The following STK17B variants were observed in gnomAD, a reference collection of about 807,000 sequenced individuals.
The protein encoded by STK17B is serine/threonine-protein kinase 17B.
A neutral mutation model predicts 42.0 loss-of-function variants in STK17B; 21 were observed. The ratio of observed to expected loss-of-function variants is 0.50; its 90% CI spans 0.35 to 0.72. STK17B has a LOEUF of 0.72. Ranked by LOEUF, STK17B falls within the 30% of genes least tolerant of loss-of-function variation. The pLI, the probability that STK17B is intolerant of heterozygous loss-of-function variation, is 0.00. For missense variants in STK17B, 349 were observed against 446.0 expected (o/e 0.78, Z 1.96); for synonymous variants, 143 against 148.4 (o/e 0.96, Z 0.26).
chr2:196,139,029 C>T lies in STK17B; in HGVS notation c.836+591G>A, dbSNP rs567057514. 5.9e-5 allele frequency among the ~76,000 whole-genome samples: 9 copies of T among 152,190 alleles called. No individual in the cohort carries two copies. The South Asian group carries it at 6.2e-4, about 11-fold the overall frequency. The stretch of plus-strand genomic sequence containing the variant: ...TCATCTAGGCTAGAGTGCAGTGGCG[C>T]GATCTCTGCTTACTGGAAGCTCTGC... On this transcript the variant is annotated intron_variant, in intron 7 of 7. Coordinates refer to ENST00000263955, the MANE Select transcript of STK17B (RefSeq NM_004226.4).
intron 2 of STK17B, among the ~76,000 whole-genome samples, chr2:196,157,515 C>T (rs1237045977): frequency 1.3e-5 from 2 of 152,132 alleles, no homozygotes; most frequent in Non-Finnish European, 2.9e-5. Flanking sequence ...GAAACTATCA[C>T]AATTGTCAAT....
chr2:196,167,526 G>GT (rs1382068823), intron 1 of STK17B, among the ~76,000 whole-genome samples: 8 of 152,302 alleles, frequency 5.3e-5, no homozygotes, highest in Middle Eastern at 6.8e-3. Context: ...GACAAATAAA[G>GT]TAACTATTTT....
At chr2:196,156,757 T>C (rs1215564625) in intron 2 of STK17B, 106 bp from the exon 3 acceptor site, 2 of 840,172 alleles carry the variant, frequency 2.4e-6, no homozygotes, top group South Asian at 1.7e-5. Flanking sequence ...CTTTGAAATA[T>C]CTGTGTCATT....
At chr2:196,148,777 C>T (rs1262901807) in intron 3 of STK17B, among the ~76,000 whole-genome samples, 1 of 152,168 alleles carries the variant, frequency 6.6e-6, no homozygotes, top group Non-Finnish European at 1.5e-5. Flanking sequence ...GTTAAAGTTA[C>T]TTCAATAACC....
At chr2:196,169,709 T>C (rs1699915029) in intron 1 of STK17B, among the ~76,000 whole-genome samples, 1 of 152,182 alleles carries the variant, frequency 6.6e-6, no homozygotes, top group Non-Finnish European at 1.5e-5. Flanking sequence ...AACCTCCAAC[T>C]TCCTAAAAAC....
chr2:196,149,333 T>G (rs1050626423), intron 3 of STK17B, among the ~76,000 whole-genome samples: 3 of 152,014 alleles, frequency 2.0e-5, no homozygotes, highest in African/African-American at 7.3e-5. Flanking sequence ...CCGGCTAATT[T>G]TTTGTATTTT....
In STK17B at chr2:196,137,170, TTTGAAG is replaced by T. The variant is rs762806510; in HGVS notation, c.*271_*276del. On this transcript the variant is annotated 3_prime_UTR_variant, in exon 8 of 8. Transcript: ENST00000263955. Reference sequence around the variant, plus strand: ...TATGCAAAACATTCTGGTAAGTTCATTTGAAGTTGAATTATTTCATTAACATGTAAA... The same window carrying T: ...TATGCAAAACATTCTGGTAAGTTCATTTGAATTATTTCATTAACATGTAAA... 1 of 351,040 alleles carries T rather than the reference TTTGAAG, an allele frequency of 2.8e-6. No homozygotes were observed. The highest frequency in any genetic ancestry group is 5.1e-6 in the Non-Finnish European group (1 of 194,334). 21.7% of individuals were successfully genotyped at this position (351,040 alleles called of 1,614,324 possible).
intron 3 of STK17B, chr2:196,151,534 GGTAA>G (rs1699666368): frequency 6.6e-6 from 1 of 152,142 alleles, no homozygotes; most frequent in South Asian, 2.1e-4. Context: ...TCCAGCCAAA[GGTAA>G]GTATTTTTTA....
chr2:196,171,844 CGCTGCA>C (rs1317211876), upstream of STK17B, among the ~76,000 whole-genome samples: 3 of 151,044 alleles, frequency 2.0e-5, no homozygotes, highest in African/African-American at 7.3e-5. Flanking sequence ...GAGGGGGCGG[CGCTGCA>C]GAGGGGGCGC....
upstream of STK17B, among the ~76,000 whole-genome samples, chr2:196,171,741 G>T (rs574610567): frequency 6.7e-6 from 1 of 149,986 alleles, no homozygotes; most frequent in South Asian, 2.1e-4. Context: ...CGGTGAGAGG[G>T]TGCGGCGCCT....
In STK17B at chr2:196,135,456, A is replaced by G. The variant is rs1352041078; in HGVS notation, c.*1991T>C. 1 of 152,226 alleles carries G rather than the reference A, an allele frequency of 6.6e-6. No individual in the cohort carries two copies. Among genetic ancestry groups the G allele is most frequent in the African/African-American group, 2.4e-5 (1 of 41,466 alleles). The allele number at this position is 152,226 out of a possible 1,614,324, so 9.4% of individuals were successfully genotyped here. A position where few individuals can be genotyped will look rare whatever the true frequency, so the allele number is the denominator to read the frequency against. Reference sequence around the variant, plus strand: ...GAACATAAAGTCATATAAAGAATATAAATGTCATAATTTATATGTCATAAG... The same window carrying G: ...GAACATAAAGTCATATAAAGAATATGAATGTCATAATTTATATGTCATAAG... On this transcript the variant is annotated 3_prime_UTR_variant, in exon 8 of 8. Coordinates refer to ENST00000263955, the MANE Select transcript of STK17B (RefSeq NM_004226.4).
upstream of STK17B, among the ~76,000 whole-genome samples, chr2:196,172,425 T>C (rs1699959709): frequency 6.6e-6 from 1 of 152,258 alleles, no homozygotes; most frequent in Non-Finnish European, 1.5e-5. Context: ...GGATTAGTTA[T>C]GTAATCTAGG....
rs563883709 is a variant in STK17B, at chr2:196,147,964, G to A, written c.336-1909C>T. ...AGGATGGTCTCGATCTCTTGACCTC[G>A]TGATCTGCCCATCTTGGCCTCCCAA... On this transcript the variant is annotated intron_variant, in intron 3 of 7. Coordinates refer to ENST00000263955, the MANE Select transcript of STK17B (RefSeq NM_004226.4). Among the ~76,000 whole-genome samples, 253 of 152,160 alleles carry A rather than the reference G, an allele frequency of 1.7e-3. 1 individual carries two copies. The highest frequency in any genetic ancestry group is 5.9e-3 in the African/African-American group (244 of 41,496).
intron 2 of STK17B, among the ~76,000 whole-genome samples, chr2:196,159,020 A>AC (rs1362979664): frequency 6.6e-6 from 1 of 151,516 alleles, no homozygotes; most frequent in Admixed American, 6.6e-5. Flanking sequence ...CAAAAAAAAA[A>AC]AAAACAAAAA....
Position 196,147,927 on chromosome 2 carries a change from G to A in STK17B, c.336-1872C>T, listed in dbSNP as rs371596614. ...TTGTATTTATTAGAGATAAGGTTTC[G>A]CCATGTTGGCCAGGATGGTCTCGAT... On this transcript the variant is annotated intron_variant, in intron 3 of 7. Transcript: ENST00000263955. 1.4e-3 allele frequency among the ~76,000 whole-genome samples: 206 copies of A among 152,018 alleles called. 1 individual carries two copies. Among genetic ancestry groups the A allele is most frequent in the African/African-American group, 4.8e-3 (198 of 41,456 alleles).
chr2:196,153,759 C>T (rs950041804), intron 3 of STK17B: 2 of 151,952 alleles, frequency 1.3e-5, no homozygotes, highest in African/African-American at 2.4e-5. Flanking sequence ...TGAAAGGGAA[C>T]CACTGATAAG....
At chr2:196,142,076 C>T (rs971162638) in intron 5 of STK17B, among the ~76,000 whole-genome samples, 1 of 151,992 alleles carries the variant, frequency 6.6e-6, no homozygotes, top group Non-Finnish European at 1.5e-5. Flanking sequence ...TTTTTTCTGA[C>T]GGAGTTTCGC....
At chr2:196,166,362 T>C (rs1043639302) in intron 1 of STK17B, 1 of 152,170 alleles carries the variant, frequency 6.6e-6, no homozygotes, top group Non-Finnish European at 1.5e-5. Context: ...AAATTCTCTT[T>C]AACTCCAACA....
chr2:196,168,722 TA>T (rs534932637), intron 1 of STK17B, among the ~76,000 whole-genome samples: 2 of 152,196 alleles, frequency 1.3e-5, no homozygotes, highest in Non-Finnish European at 2.9e-5. Flanking sequence ...AAAAACTTAA[TA>T]AAGTATGCCC....
Sources: allele counts gnomAD v4.1 joint callset (sites outside exome capture counted in the v4.1 genomes callset), GRCh38; gene constraint gnomAD v4.1.1; transcripts MANE v1.5; gene names NCBI Gene and HGNC (gene_info 2026-07-23, HGNC 2026-07-21).